SV2C: variants seen among roughly 807,000 people sequenced by gnomAD.
SV2C encodes synaptic vesicle glycoprotein 2C.
SV2C carries 49 observed loss-of-function variants against 79.7 expected under a neutral mutation model. That is an observed-to-expected ratio of 0.61 (90% CI 0.49 to 0.78). The LOEUF (loss-of-function observed/expected upper bound fraction) is 0.78. SV2C is among the 30% of genes least tolerant of loss of function. SV2C has a pLI of 0.00. For synonymous variants in SV2C, 334 were observed against 333.2 expected (o/e 1.00, Z -0.03); for missense variants, 833 against 912.9 (o/e 0.91, Z 1.13).
the SV2C span, among the ~76,000 whole-genome samples, chr5:76,023,536 G>A: frequency 6.6e-6 from 1 of 151,906 alleles, no homozygotes; most frequent in African/African-American, 2.4e-5. Flanking sequence ...GTGTGTGTTG[G>A]GCAAGGGCCT....
At chr5:75,982,788 AAAC>A in the SV2C span, among the ~76,000 whole-genome samples, 1 of 152,222 alleles carries the variant, frequency 6.6e-6, no homozygotes, top group East Asian at 1.9e-4. Flanking sequence ...CAGTCATAAA[AAAC>A]AACAAGATCA....
At chr5:76,247,745 CA>C (rs960971060) in intron 4 of SV2C, among the ~76,000 whole-genome samples, 1 of 152,132 alleles carries the variant, frequency 6.6e-6, no homozygotes, top group Non-Finnish European at 1.5e-5. Flanking sequence ...AATTGTGGAC[CA>C]AAAGTAGTCT....
chr5:76,007,018 T>G, the SV2C span, among the ~76,000 whole-genome samples: 1 of 152,126 alleles, frequency 6.6e-6, no homozygotes, highest in African/African-American at 2.4e-5. Flanking sequence ...ACAGTGTAAG[T>G]ACTAAAATTA....
chr5:76,336,539 G>C (rs140204684), downstream of SV2C, among the ~76,000 whole-genome samples: 6,365 of 152,310 alleles, frequency 0.042, 156 homozygotes, highest in Middle Eastern at 0.065. Flanking sequence ...GGCCAAGGCA[G>C]GCGGCTGGGA....
the SV2C span, among the ~76,000 whole-genome samples, chr5:75,959,274 C>G: frequency 6.6e-6 from 1 of 151,902 alleles, no homozygotes; most frequent in Admixed American, 6.6e-5. Flanking sequence ...AGAAGATCTG[C>G]TCTCTTTGCA....
At chr5:76,102,180 G>A (rs1747763171) in intron 1 of SV2C, among the ~76,000 whole-genome samples, 1 of 152,160 alleles carries the variant, frequency 6.6e-6, no homozygotes, top group South Asian at 2.1e-4. Flanking sequence ...ACCAGTGGCT[G>A]TTTCTTCCCT....
At chr5:75,999,737 T>G in the SV2C span, among the ~76,000 whole-genome samples, 1 of 151,648 alleles carries the variant, frequency 6.6e-6, no homozygotes, top group Non-Finnish European at 1.5e-5. Flanking sequence ...TTATTAACAG[T>G]AAAAGTTTAC....
Position 76,145,582 on chromosome 5 carries a change from C to T in SV2C, c.580+13252C>T, listed in dbSNP as rs780979121. Among the ~76,000 whole-genome samples, 35 of 152,172 alleles carry T rather than the reference C, an allele frequency of 2.3e-4. 1 individual carries two copies. The highest frequency in any genetic ancestry group is 6.8e-4 in the African/African-American group (28 of 41,438). ...GTCCCCTTTTCTGCAAAGAAGCTGA[C>T]GCCACATGATGCAAAGGCCTGCCCT... On this transcript the variant is annotated intron_variant, in intron 2 of 12. Transcript: ENST00000502798.
At chr5:75,941,063 C>T in the SV2C span, among the ~76,000 whole-genome samples, 4,831 of 152,222 alleles carry the variant, frequency 0.032, 97 homozygotes, top group Middle Eastern at 0.13. Context: ...CTTGGAATTT[C>T]ATACATTATG....
chr5:76,124,306 A>G (rs1338448516), intron 1 of SV2C, among the ~76,000 whole-genome samples: 1 of 152,166 alleles, frequency 6.6e-6, no homozygotes, highest in African/African-American at 2.4e-5. Context: ...ACCATTCTAT[A>G]TCCTGTCTCT....
At chr5:75,948,810 G>T in the SV2C span, among the ~76,000 whole-genome samples, 1 of 151,986 alleles carries the variant, frequency 6.6e-6, no homozygotes, top group Non-Finnish European at 1.5e-5. Flanking sequence ...GGGGAGATAG[G>T]AAAGGAGATA....
chr5:75,900,490 C>T, the SV2C span, among the ~76,000 whole-genome samples: 6 of 152,254 alleles, frequency 3.9e-5, no homozygotes, highest in East Asian at 1.2e-3. Context: ...TCTGGCTGCC[C>T]TTAACATTTT....
chr5:76,184,448 C>T (rs1743846318), intron 2 of SV2C, among the ~76,000 whole-genome samples: 2 of 152,196 alleles, frequency 1.3e-5, no homozygotes, highest in African/African-American at 4.8e-5. Flanking sequence ...AGTCTATTAC[C>T]ACTTGTATTA....
chr5:76,053,320 G>T, the SV2C span, among the ~76,000 whole-genome samples: 14 of 152,172 alleles, frequency 9.2e-5, no homozygotes, highest in African/African-American at 3.4e-4. Flanking sequence ...TACAATGCTA[G>T]TCTCTGGAAT....
intron 3 of SV2C, among the ~76,000 whole-genome samples, chr5:76,198,076 T>C (rs946413963): frequency 6.6e-6 from 1 of 152,176 alleles, no homozygotes; most frequent in Non-Finnish European, 1.5e-5. Flanking sequence ...ACCGATTGGA[T>C]GGTGCCCACC....
intron 2 of SV2C, among the ~76,000 whole-genome samples, chr5:76,155,376 T>A (rs1742693598): frequency 6.6e-6 from 1 of 152,134 alleles, no homozygotes; most frequent in South Asian, 2.1e-4. Flanking sequence ...AGACCTCCAC[T>A]TTTCTTCCCC....
At chr5:75,945,758 A>G in the SV2C span, among the ~76,000 whole-genome samples, 1 of 152,128 alleles carries the variant, frequency 6.6e-6, no homozygotes, top group Non-Finnish European at 1.5e-5. Context: ...TATATTTAAA[A>G]ACCAATAACG....
Position 76,173,020 on chromosome 5 carries a change from G to A in SV2C, c.581-21899G>A, listed in dbSNP as rs184370187. Among the ~76,000 whole-genome samples the A allele has an allele frequency of 4.0e-3, 436 of 109,196 alleles. 7 individuals carry two copies. The highest frequency in any genetic ancestry group is 0.014 in the African/African-American group (409 of 28,760). 71.6% of individuals were successfully genotyped at this position (109,196 alleles called of 152,430 possible). ...ATGACCCTGCCAAATCCCCCTCTGT[G>A]AGAAACACCCAAGAATTATCAATAA... is the stretch of plus-strand genomic sequence containing the variant. On this transcript the variant is annotated intron_variant, in intron 2 of 12. Coordinates refer to ENST00000502798, the MANE Select transcript of SV2C (RefSeq NM_014979.4).
chr5:76,316,856 T>C (rs1441013998), intron 12 of SV2C, among the ~76,000 whole-genome samples: 2 of 152,176 alleles, frequency 1.3e-5, no homozygotes, highest in Admixed American at 1.3e-4. Flanking sequence ...TCACTTTCTA[T>C]GCTCCTGGCT....
Sources: gnomAD v4.1 joint callset for allele counts (sites outside exome capture counted in the v4.1 genomes callset) on GRCh38, gnomAD v4.1.1 for gene constraint, MANE v1.5 for transcripts, NCBI Gene and HGNC (gene_info 2026-07-23, HGNC 2026-07-21) for gene names.